NDUFAF5: variants seen among roughly 807,000 people sequenced by gnomAD.
NDUFAF5 encodes NADH:ubiquinone oxidoreductase complex assembly factor 5.
Under a neutral mutation model 48.9 loss-of-function variants are expected in NDUFAF5, and 34 were observed. The ratio of observed to expected loss-of-function variants is 0.70; its 90% CI spans 0.53 to 0.93. The LOEUF is 0.93. Among genes scored for constraint, NDUFAF5 ranks in the 40% least tolerant of loss-of-function variants. The probability of loss-of-function intolerance (pLI) is 0.00; values close to 1 mark genes in which losing one functional copy is unlikely to be tolerated. For missense variants in NDUFAF5, 428 were observed against 427.5 expected (o/e 1.00, Z -0.01); for synonymous variants, 153 against 150.6 (o/e 1.02, Z -0.12).
intron 6 of NDUFAF5, among the ~76,000 whole-genome samples, chr20:13,799,036 A>G (rs1364074266): frequency 6.6e-6 from 1 of 152,178 alleles, no homozygotes; most frequent in African/African-American, 2.4e-5. Context: ...GGGTAGGTAA[A>G]GTTTGGATTG....
rs999224149 is a variant in NDUFAF5, at chr20:13,819,634, T to A, written c.*2424T>A. The A allele has an allele frequency of 6.6e-6, 1 of 152,492 alleles. No individual in the cohort carries two copies. The highest frequency in any genetic ancestry group is 1.5e-5 in the Non-Finnish European group (1 of 68,262). The allele number at this position is 152,492 out of a possible 1,614,324, so 9.4% of individuals were successfully genotyped here. On this transcript the variant is annotated 3_prime_UTR_variant, in exon 11 of 11. Transcript: ENST00000378106. Reference sequence around the variant, plus strand: ...TGCCCACCTTGGCTTCCCAAAGTGCTGAGATTACAGGTGTGAGCCACCAGG... The same window carrying A: ...TGCCCACCTTGGCTTCCCAAAGTGCAGAGATTACAGGTGTGAGCCACCAGG...
rs149288643 is a variant in NDUFAF5, at chr20:13,819,986, CA to C, written c.*2777del. On this transcript the variant is annotated 3_prime_UTR_variant, in exon 11 of 11. Coordinates refer to ENST00000378106, the MANE Select transcript of NDUFAF5 (RefSeq NM_024120.5). ...TCATGAGCTTTATTGGTTCCTTTAA[CA>C]GATCTTCATTGAGTTTCATGTGCCA... 3,914 of 152,268 alleles carry C rather than the reference CA, an allele frequency of 0.026. 158 individuals are homozygous for C. Among genetic ancestry groups the C allele is most frequent in the African/African-American group, 0.086 (3,589 of 41,548 alleles). 9.4% of individuals were successfully genotyped at this position (152,268 alleles called of 1,614,324 possible). A position where few individuals can be genotyped will look rare whatever the true frequency, so the allele number is the denominator to read the frequency against.
Position 13,820,153 on chromosome 20 carries a change from T to C in NDUFAF5, c.*2943T>C, listed in dbSNP as rs1357201846. 1.3e-5 allele frequency: 2 copies of C among 152,196 alleles called. No individual in the cohort carries two copies. The highest frequency in any genetic ancestry group is 4.8e-5 in the African/African-American group (2 of 41,458). The allele number at this position is 152,196 out of a possible 1,614,324, so 9.4% of individuals were successfully genotyped here. A position where few individuals can be genotyped will look rare whatever the true frequency, so the allele number is the denominator to read the frequency against. On this transcript the variant is annotated 3_prime_UTR_variant, in exon 11 of 11. Coordinates refer to ENST00000378106, the MANE Select transcript of NDUFAF5 (RefSeq NM_024120.5). ...CAATATTCCAGGTTGGCCTGGAGAA[T>C]TCCAAAGGTAAATATGAAAATGTAT...
At position 13,785,116 on chromosome 20, in the gene NDUFAF5, G is replaced by T; in HGVS notation, c.48G>T (p.Ala16=). 6.2e-7 allele frequency: 1 copy of T among 1,613,678 alleles called. No homozygotes were observed. Among genetic ancestry groups the T allele is most frequent in the Non-Finnish European group, 8.5e-7 (1 of 1,179,936 alleles). Residue 16 remains alanine, a synonymous_variant, in exon 1 of 11, where the codon GCG becomes GCT. Coordinates refer to ENST00000378106, the MANE Select transcript of NDUFAF5 (RefSeq NM_024120.5). ...GGCGCTTATGTCGGCGACCTTGGGC[G>T]GCGAGGGTCCCAGCGGAGAATCTTG... ...GLWRLCRRPW[A]ARVPAENLGR... is the part of the protein sequence containing the mutation.
rs1247165092 is a variant in NDUFAF5, at chr20:13,819,943, A to G, written c.*2733A>G. 1 of 152,008 alleles carries G rather than the reference A, an allele frequency of 6.6e-6. No individual in the cohort carries two copies. Among genetic ancestry groups the G allele is most frequent in the Non-Finnish European group, 1.5e-5 (1 of 67,996 alleles). 9.4% of individuals were successfully genotyped at this position (152,008 alleles called of 1,614,324 possible). ...AGAGGAACTAGGTTCTGGGAGAAAGACTCCTTTGGAATAAAATTCATGAGC... is the reference window on the plus strand; with the variant it reads ...AGAGGAACTAGGTTCTGGGAGAAAGGCTCCTTTGGAATAAAATTCATGAGC... On this transcript the variant is annotated 3_prime_UTR_variant, in exon 11 of 11. Coordinates refer to ENST00000378106, the MANE Select transcript of NDUFAF5 (RefSeq NM_024120.5).
intron 4 of NDUFAF5, 113 bp downstream of exon 4, chr20:13,793,340 G>A (rs1727897438): frequency 1.1e-6 from 1 of 938,436 alleles, no homozygotes; most frequent in Admixed American, 2.0e-5. Context: ...ACATGAAAAG[G>A]AACTCATACA....
At chr20:13,816,790 T>G in intron 9 of NDUFAF5, 85 bp from the exon 10 acceptor site, 1 of 899,248 alleles carries the variant, frequency 1.1e-6, no homozygotes, top group Non-Finnish European at 1.9e-6. Context: ...TGTACCCATT[T>G]CTTTTTGAAG....
rs935547135 is a variant in NDUFAF5 at position 13,801,416 on chromosome 20, T to C, written c.520-70T>C. 6.3e-5 allele frequency: 61 copies of C among 967,120 alleles called. No homozygotes were observed. In the Admixed American group the frequency reaches 1.4e-3, roughly 21 times the overall value. The allele number at this position is 967,120 out of a possible 1,614,324, so 59.9% of individuals were successfully genotyped here. On this transcript the variant is annotated intron_variant, in intron 6 of 10. Transcript: ENST00000378106. ...TGTCATAAAATGTTAATTTAGACAC[T>C]ATATATTTATTTTTTAACATTTATA...
chr20:13,821,384 G>A lies in NDUFAF5; in HGVS notation c.*4174G>A, dbSNP rs1204817749. On this transcript the variant is annotated 3_prime_UTR_variant, in exon 11 of 11. Transcript: ENST00000378106. ...CATGGAGAAGACCTAGAAGTGAGGA[G>A]CAGAGGCCTCCAGCCAAAAGCCATG... 1.6e-4 allele frequency: 24 copies of A among 152,286 alleles called. No homozygotes were observed. Among genetic ancestry groups the A allele is most frequent in the Admixed American group, 1.5e-3 (23 of 15,282 alleles). The allele number at this position is 152,286 out of a possible 1,614,324, so 9.4% of individuals were successfully genotyped here. A position where few individuals can be genotyped will look rare whatever the true frequency, so the allele number is the denominator to read the frequency against.
At chr20:13,785,629 C>T (rs1216818594) in intron 1 of NDUFAF5, among the ~76,000 whole-genome samples, 1 of 152,148 alleles carries the variant, frequency 6.6e-6, no homozygotes, top group Non-Finnish European at 1.5e-5. Flanking sequence ...GGGTTTTCTT[C>T]TGTATCTGCA....
At chr20:13,813,866 G>A (rs1342958945) in intron 8 of NDUFAF5, among the ~76,000 whole-genome samples, 1 of 152,096 alleles carries the variant, frequency 6.6e-6, no homozygotes, top group Non-Finnish European at 1.5e-5. Context: ...ATAGAACGGG[G>A]AGATGATGGG....
intron 5 of NDUFAF5, among the ~76,000 whole-genome samples, chr20:13,795,318 A>G (rs1371798459): frequency 6.6e-6 from 1 of 152,178 alleles, no homozygotes; most frequent in Non-Finnish European, 1.5e-5. Flanking sequence ...AATAAGTTAC[A>G]TTGGGGAGAA....
chr20:13,809,085 T>C, intron 8 of NDUFAF5, 183 bp downstream of exon 8: 1 of 611,104 alleles, frequency 1.6e-6, no homozygotes, highest in South Asian at 1.9e-5. Context: ...TGATATAAAA[T>C]GGAGGAGGCA....
At chr20:13,815,835 A>G (rs1446638558) in intron 8 of NDUFAF5, among the ~76,000 whole-genome samples, 1 of 152,232 alleles carries the variant, frequency 6.6e-6, no homozygotes, top group Non-Finnish European at 1.5e-5. Context: ...GAACAATAGA[A>G]TAATGCTTAA....
Position 13,821,022 on chromosome 20 carries a change from G to A in NDUFAF5, c.*3812G>A, listed in dbSNP as rs1001808827. 1 of 152,192 alleles carries A rather than the reference G, an allele frequency of 6.6e-6. No homozygotes were observed. Among genetic ancestry groups the A allele is most frequent in the African/African-American group, 2.4e-5 (1 of 41,426 alleles). The allele number at this position is 152,192 out of a possible 1,614,324, so 9.4% of individuals were successfully genotyped here. ...TAATTCTCTACCTGAATACATACATGACAGTTATTTTACCATGCTGGTTTA... is the reference window on the plus strand; with the variant it reads ...TAATTCTCTACCTGAATACATACATAACAGTTATTTTACCATGCTGGTTTA... On this transcript the variant is annotated 3_prime_UTR_variant, in exon 11 of 11. Coordinates refer to ENST00000378106, the MANE Select transcript of NDUFAF5 (RefSeq NM_024120.5).
chr20:13,795,064 G>A (rs563522783), intron 5 of NDUFAF5, 123 bp downstream of exon 5: 53 of 700,538 alleles, frequency 7.6e-5, no homozygotes, highest in African/African-American at 1.2e-4. Flanking sequence ...AGGCCGAGGC[G>A]AGTGAATCTC....
chr20:13,785,957 A>G (rs1981016604), intron 1 of NDUFAF5, among the ~76,000 whole-genome samples: 1 of 152,164 alleles, frequency 6.6e-6, no homozygotes, highest in Admixed American at 6.5e-5. Flanking sequence ...ATTTTTGGTC[A>G]GCACTGCTCT....
intron 8 of NDUFAF5, among the ~76,000 whole-genome samples, chr20:13,813,646 G>A (rs1986134787): frequency 6.6e-6 from 1 of 152,160 alleles, no homozygotes; most frequent in South Asian, 2.1e-4. Context: ...AGAAACACAG[G>A]AGGAAAAGGC....
chr20:13,815,287 C>T (rs1381106097), intron 8 of NDUFAF5, among the ~76,000 whole-genome samples: 1 of 152,154 alleles, frequency 6.6e-6, no homozygotes, highest in Admixed American at 6.6e-5. Flanking sequence ...CACTAGAAGC[C>T]TTTACGGAGC....
Sources: allele counts gnomAD v4.1 joint callset (sites outside exome capture counted in the v4.1 genomes callset), GRCh38; gene constraint gnomAD v4.1.1; transcripts MANE v1.5; gene names NCBI Gene and HGNC (gene_info 2026-07-23, HGNC 2026-07-21).